The following SIK2 variants were observed in gnomAD, a reference collection of about 807,000 sequenced individuals.
The protein encoded by SIK2 is serine/threonine-protein kinase SIK2.
SIK2 carries 29 observed loss-of-function variants against 103.2 expected under a neutral mutation model. The observed-to-expected ratio is 0.28, with a 90% confidence interval of 0.21 to 0.38. The LOEUF is 0.38. Among genes scored for constraint, SIK2 ranks in the 10% least tolerant of loss-of-function variants. The pLI, the probability that SIK2 is intolerant of heterozygous loss-of-function variation, is 1.00. For synonymous variants in SIK2, 412 were observed against 446.1 expected (o/e 0.92, Z 0.96); for missense variants, 879 against 1,171.0 (o/e 0.75, Z 3.64).
chr11:111,685,722 C>T (rs536202342), intron 3 of SIK2, among the ~76,000 whole-genome samples: 1 of 152,064 alleles, frequency 6.6e-6, no homozygotes, highest in African/African-American at 2.4e-5. Flanking sequence ...TGGTGACATG[C>T]ATCTGTAGTC....
chr11:111,687,957 A>T (rs972635588), intron 3 of SIK2, 44 bp from the exon 4 acceptor site: 3 of 1,598,422 alleles, frequency 1.9e-6, no homozygotes, highest in Non-Finnish European at 2.6e-6. Context: ...TAGTGGAGTT[A>T]TTTTATTTTG....
chr11:111,604,964 T>A (rs1941629778), intron 1 of SIK2, among the ~76,000 whole-genome samples: 1 of 151,460 alleles, frequency 6.6e-6, no homozygotes, highest in Non-Finnish European at 1.5e-5. Flanking sequence ...TGAATTTTTT[T>A]TTTTTTTTTT....
rs768730339 is a variant in SIK2, at chr11:111,723,710, A to G, written c.2362A>G (p.Ser788Gly). The G allele has an allele frequency of 6.2e-7, 1 of 1,614,130 alleles. No individual in the cohort carries two copies. The highest frequency in any genetic ancestry group is 8.5e-7 in the Non-Finnish European group (1 of 1,180,042). Reference sequence around the variant, plus strand: ...GCCTTCCTCCGAGCAGATGCAATACAGCCCTTTCCTCAGCCAGTACCAAGA... The same window carrying G: ...GCCTTCCTCCGAGCAGATGCAATACGGCCCTTTCCTCAGCCAGTACCAAGA... ...LEPSSEQMQY[S>G]PFLSQYQEMQ... is the part of the protein sequence containing the mutation. Residue 788 changes from serine to glycine, a missense_variant, in exon 15 of 15, where the codon AGC becomes GGC. Coordinates refer to ENST00000304987, the MANE Select transcript of SIK2 (RefSeq NM_015191.3).
intron 3 of SIK2, among the ~76,000 whole-genome samples, chr11:111,677,486 C>A (rs1046049439): frequency 2.6e-4 from 40 of 151,966 alleles, no homozygotes; most frequent in African/African-American, 8.9e-4. Context: ...GGCATGGTCT[C>A]AGCTCACTGC....
rs372209647 is a variant in SIK2, at chr11:111,666,302, A to G, written c.317-21699A>G. 1.3e-4 allele frequency among the ~76,000 whole-genome samples: 20 copies of G among 152,136 alleles called. No individual in the cohort carries two copies. The East Asian group carries it at 1.7e-3, about 13-fold the overall frequency. On this transcript the variant is annotated intron_variant, in intron 3 of 14. Coordinates refer to ENST00000304987, the MANE Select transcript of SIK2 (RefSeq NM_015191.3). Reference sequence around the variant, plus strand: ...TTCTCCTGAGGTCTTTTCTAAGGGTATGGTATTGCTTCTCTGTTATTTCCT... The same window carrying G: ...TTCTCCTGAGGTCTTTTCTAAGGGTGTGGTATTGCTTCTCTGTTATTTCCT...
At chr11:111,645,844 A>C (rs1408951981) in intron 3 of SIK2, among the ~76,000 whole-genome samples, 4 of 151,870 alleles carry the variant, frequency 2.6e-5, no homozygotes, top group Non-Finnish European at 4.4e-5. Context: ...CCATAAAATC[A>C]GAATAGGACT....
Position 111,717,317 on chromosome 11 carries a change from C to CAAAAAAAA in SIK2, c.1267-2439_1267-2432dup, listed in dbSNP as rs34473568. On this transcript the variant is annotated intron_variant, in intron 9 of 14. Transcript: ENST00000304987. ...TGGGCGACAGAGCGAGACTCCGTCT[C>CAAAAAAAA]AAAAAAAAAAAAAAAAAAAAAAAAA... Among the ~76,000 whole-genome samples the CAAAAAAAA allele has an allele frequency of 8.1e-5, 4 of 49,466 alleles. 1 individual carries two copies. Among genetic ancestry groups the CAAAAAAAA allele is most frequent in the African/African-American group, 1.5e-4 (2 of 13,636 alleles). The allele number at this position is 49,466 out of a possible 152,430, so 32.5% of individuals were successfully genotyped here.
At position 111,724,019 on chromosome 11, in the gene SIK2, GC is replaced by G. The variant is rs1381477856; in HGVS notation, c.2676del (p.Ser893ProfsTer6). ...DCPRSPGLQE[A>X]PSSYDPLALS... ...TCCCAGAAGCCCAGGACTGCAAGAG[GC>G]CCCCTCCAGCTACGACCCACTAGCC... On this transcript the variant is annotated frameshift_variant, in exon 15 of 15. Transcript: ENST00000304987. LOFTEE classifies it high-confidence loss of function. The G allele has an allele frequency of 6.2e-7, 1 of 1,614,124 alleles. No homozygotes were observed. Among genetic ancestry groups the G allele is most frequent in the Non-Finnish European group, 8.5e-7 (1 of 1,180,032 alleles).
intron 3 of SIK2, among the ~76,000 whole-genome samples, chr11:111,682,098 C>T (rs947937999): frequency 2.6e-5 from 4 of 152,120 alleles, no homozygotes; most frequent in Non-Finnish European, 5.9e-5. Flanking sequence ...GGCTGTCACT[C>T]CCAGTACTTA....
intron 9 of SIK2, among the ~76,000 whole-genome samples, chr11:111,714,561 T>A (rs1011197557): frequency 6.6e-6 from 1 of 152,162 alleles, no homozygotes; most frequent in Non-Finnish European, 1.5e-5. Context: ...ACTAGAATAG[T>A]GGCAGATAGA....
intron 8 of SIK2, among the ~76,000 whole-genome samples, chr11:111,706,286 C>A (rs991737198): frequency 3.9e-5 from 6 of 152,130 alleles, no homozygotes; most frequent in Non-Finnish European, 7.3e-5. Context: ...GACAATATGA[C>A]TTAGAGATGA....
chr11:111,661,553 C>T (rs541557290), intron 3 of SIK2, among the ~76,000 whole-genome samples: 4 of 152,210 alleles, frequency 2.6e-5, no homozygotes, highest in Non-Finnish European at 5.9e-5. Context: ...ATATTAAATT[C>T]TTCTTCTGGG....
chr11:111,628,686 CA>C (rs1182785031), intron 3 of SIK2, among the ~76,000 whole-genome samples: 2 of 152,024 alleles, frequency 1.3e-5, no homozygotes, highest in Non-Finnish European at 2.9e-5. Flanking sequence ...CTCAGCCTCC[CA>C]AAGCACTGGA....
In SIK2 at chr11:111,723,675, C is replaced by T. The variant is rs1349056313; in HGVS notation, c.2327C>T (p.Pro776Leu). Residue 776 changes from proline to leucine, a missense_variant, in exon 15 of 15, where the codon CCC becomes CTC. By Grantham distance (98) the Pro-to-Leu change is moderately conservative (BLOSUM62 -3). Transcript: ENST00000304987. ...PPFSLTQPLS[P>L]VLEPSSEQMQ... is the part of the protein sequence containing the mutation. Reference sequence around the variant, plus strand: ...TTCAGCCTGACCCAGCCCCTGAGCCCCGTCCTGGAGCCTTCCTCCGAGCAG... The same window carrying T: ...TTCAGCCTGACCCAGCCCCTGAGCCTCGTCCTGGAGCCTTCCTCCGAGCAG... 1.2e-6 allele frequency: 2 copies of T among 1,613,748 alleles called. No homozygotes were observed. The highest frequency in any genetic ancestry group is 1.7e-6 in the Non-Finnish European group (2 of 1,179,984).
chr11:111,628,453 T>TCTTTCTTTC (rs58547600), intron 3 of SIK2, among the ~76,000 whole-genome samples: 36 of 145,962 alleles, frequency 2.5e-4, no homozygotes, highest in South Asian at 6.7e-4. Flanking sequence ...TTTCTTTCTT[T>TCTTTCTTTC]TTTGAGACAG....
chr11:111,725,739 TA>T lies in SIK2; in HGVS notation c.*1611del, dbSNP rs926078311. The T allele has an allele frequency of 3.9e-5, 6 of 152,636 alleles. No individual in the cohort carries two copies. Among genetic ancestry groups the T allele is most frequent in the African/African-American group, 1.4e-4 (6 of 41,448 alleles). The allele number at this position is 152,636 out of a possible 1,614,324, so 9.5% of individuals were successfully genotyped here. A position where few individuals can be genotyped will look rare whatever the true frequency, so the allele number is the denominator to read the frequency against. On this transcript the variant is annotated 3_prime_UTR_variant, in exon 15 of 15. Coordinates refer to ENST00000304987, the MANE Select transcript of SIK2 (RefSeq NM_015191.3). ...TCAGGCAGGTGACGTGTGGAAAGTC[TA>T]GGGGGTTCCATTCTGGCCATGCGAG...
chr11:111,686,176 C>T (rs1212991869), intron 3 of SIK2, among the ~76,000 whole-genome samples: 1 of 152,152 alleles, frequency 6.6e-6, no homozygotes, highest in East Asian at 1.9e-4. Context: ...CATGGTGGCT[C>T]ACACCTGTAA....
intron 3 of SIK2, chr11:111,671,199 C>T (rs1435926040): frequency 7.7e-6 from 2 of 260,358 alleles, no homozygotes; most frequent in Non-Finnish European, 1.5e-5. Flanking sequence ...TCCCAGACTC[C>T]AGCCAGCTTT....
In SIK2 at chr11:111,707,398, TA is replaced by T. The variant is rs147809998; in HGVS notation, c.1101+2262del. ...TAATTTGGCTTAGGGTTCAGATACA[TA>T]AACGTGACTTCTTATGTTCGATAAT... On this transcript the variant is annotated intron_variant, in intron 8 of 14. Coordinates refer to ENST00000304987, the MANE Select transcript of SIK2 (RefSeq NM_015191.3). 7.5e-3 allele frequency among the ~76,000 whole-genome samples: 1,135 copies of T among 152,330 alleles called. 8 individuals are homozygous for T. The highest frequency in any genetic ancestry group is 0.061 in the Middle Eastern group (18 of 294).
Sources: gnomAD v4.1 joint callset for allele counts (sites outside exome capture counted in the v4.1 genomes callset) on GRCh38, gnomAD v4.1.1 for gene constraint, MANE v1.5 for transcripts, NCBI Gene and HGNC (gene_info 2026-07-23, HGNC 2026-07-21) for gene names.